Variants in ADH1B observed in about 807,000 individuals in gnomAD.
ADH1B encodes alcohol dehydrogenase 1B (class I), beta polypeptide, also known as all-trans-retinol dehydrogenase [NAD(+)] ADH1B.
Under a neutral mutation model 34.6 loss-of-function variants are expected in ADH1B, and 29 were observed. That is an observed-to-expected ratio of 0.84 (90% CI 0.62 to 1.14). The LOEUF is 1.14. ADH1B is among the 50% of genes most tolerant of loss of function. The probability of loss-of-function intolerance (pLI) is 0.00; values close to 1 mark genes in which losing one functional copy is unlikely to be tolerated. For synonymous variants in ADH1B, 170 were observed against 175.5 expected (o/e 0.97, Z 0.25); for missense variants, 424 against 468.4 (o/e 0.91, Z 0.87).
chr4:99,311,711 C>T (rs527836149), intron 6 of ADH1B, 55 bp from the exon 7 acceptor site: 68 of 1,597,152 alleles, frequency 4.3e-5, no homozygotes, highest in Admixed American at 2.7e-4. Context: ...AGTTCCTACT[C>T]ATAATGCACA....
In ADH1B at chr4:99,306,321, A is replaced by G. The variant is rs1480357055; in HGVS notation, c.*1519T>C. ...GCGCCACCCCCCACCCCGCTTTAGC[A>G]TTTTTGACAAAACAATCAGGTTACC... On this transcript the variant is annotated 3_prime_UTR_variant, in exon 9 of 9. Transcript: ENST00000305046. The G allele has an allele frequency of 7.3e-5, 11 of 151,538 alleles. No homozygotes were observed. Among genetic ancestry groups the G allele is most frequent in the Admixed American group, 5.9e-4 (9 of 15,174 alleles). 9.4% of individuals were successfully genotyped at this position (151,538 alleles called of 1,614,324 possible).
At chr4:99,312,935 G>A (rs993302099) in intron 6 of ADH1B, among the ~76,000 whole-genome samples, 4 of 152,152 alleles carry the variant, frequency 2.6e-5, no homozygotes, top group Non-Finnish European at 5.9e-5. Flanking sequence ...TATCACATGC[G>A]TTGTCTCATG....
chr4:99,318,758 T>C, intron 2 of ADH1B, 27 bp downstream of exon 2: 1 of 1,585,756 alleles, frequency 6.3e-7, no homozygotes. Context: ...AAATGTAAAA[T>C]GAAATATAAA....
At chr4:99,319,607 G>A (rs1258284878) in intron 1 of ADH1B, 5 of 152,076 alleles carry the variant, frequency 3.3e-5, no homozygotes, top group East Asian at 1.9e-4. Context: ...TCAGACCCAC[G>A]CATGTATATT....
chr4:99,311,211 G>C (rs1733746426), intron 7 of ADH1B, among the ~76,000 whole-genome samples: 1 of 152,096 alleles, frequency 6.6e-6, no homozygotes, highest in South Asian at 2.1e-4. Context: ...AAATATTGTT[G>C]TAGATTTGCA....
In ADH1B at chr4:99,307,793, G is replaced by C. The variant is rs374909016; in HGVS notation, c.*47C>G. ...CTAGCTGTTGCTCCAGATCTTGTAG[G>C]GTAGAGGAGGCTGAAGACTGCTACA... On this transcript the variant is annotated 3_prime_UTR_variant, in exon 9 of 9. Coordinates refer to ENST00000305046, the MANE Select transcript of ADH1B (RefSeq NM_000668.6). 7.5e-6 allele frequency: 12 copies of C among 1,603,748 alleles called. No individual in the cohort carries two copies. Among genetic ancestry groups the C allele is most frequent in the Non-Finnish European group, 1.0e-5 (12 of 1,170,844 alleles).
At position 99,307,734 on chromosome 4, in the gene ADH1B, T is replaced by C. The variant is rs28914788; in HGVS notation, c.*106A>G. 1.4e-3 allele frequency: 1,822 copies of C among 1,338,172 alleles called. 11 individuals are homozygous for C. In the African/African-American group the frequency reaches 0.018, roughly 13 times the overall value. 82.9% of individuals were successfully genotyped at this position (1,338,172 alleles called of 1,614,324 possible). On this transcript the variant is annotated 3_prime_UTR_variant, in exon 9 of 9. Coordinates refer to ENST00000305046, the MANE Select transcript of ADH1B (RefSeq NM_000668.6). ...AAAGCCCCCATGTGTAATTTATTGATAACATCTCTGAAGAGCTGAATTAAT... is the reference window on the plus strand; with the variant it reads ...AAAGCCCCCATGTGTAATTTATTGACAACATCTCTGAAGAGCTGAATTAAT...
At chr4:99,310,717 C>A in intron 8 of ADH1B, 48 bp downstream of exon 8, 1 of 1,586,600 alleles carries the variant, frequency 6.3e-7, no homozygotes, top group Non-Finnish European at 8.5e-7. Flanking sequence ...CTAGACAATC[C>A]CCTATGGTAG....
In ADH1B at chr4:99,313,703, T is replaced by C. The variant is rs577040077; in HGVS notation, c.828+118A>G. ...AACAAGCCACATAACAAACAGATGATGGGAAATTTCCATTCATCATTAAAA... is the reference window on the plus strand; with the variant it reads ...AACAAGCCACATAACAAACAGATGACGGGAAATTTCCATTCATCATTAAAA... On this transcript the variant is annotated intron_variant, in intron 6 of 8. Transcript: ENST00000305046. The C allele has an allele frequency of 3.6e-4, 556 of 1,547,846 alleles. 1 individual carries two copies. Among genetic ancestry groups the C allele is most frequent in the Non-Finnish European group, 4.5e-4 (513 of 1,141,634 alleles).
At chr4:99,309,725 C>T (rs989772272) in intron 8 of ADH1B, among the ~76,000 whole-genome samples, 11 of 152,144 alleles carry the variant, frequency 7.2e-5, no homozygotes, top group African/African-American at 2.4e-4. Context: ...AATTCTGCCT[C>T]CCCTTCCTAC....
Position 99,314,086 on chromosome 4 carries a change from G to T in ADH1B, c.568-5C>A, listed in dbSNP as rs757937623. ...ACAGGTAGAGCCTGGGGTGACCTGT[G>T]TTTTCAGAAAATGCAAAAATAGATT... On this transcript the variant is annotated splice_polypyrimidine_tract_variant and splice_region_variant and intron_variant, in intron 5 of 8. Coordinates refer to ENST00000305046, the MANE Select transcript of ADH1B (RefSeq NM_000668.6). 1.2e-6 allele frequency: 2 copies of T among 1,611,346 alleles called. No individual in the cohort carries two copies.
In ADH1B at chr4:99,305,501, C is replaced by CATATATATATAT. The variant is rs71996730; in HGVS notation, c.*2327_*2338dup. 4.8e-4 allele frequency: 45 copies of CATATATATATAT among 94,362 alleles called. 1 individual carries two copies. Among genetic ancestry groups the CATATATATATAT allele is most frequent in the African/African-American group, 2.0e-3 (41 of 20,930 alleles). The allele number at this position is 94,362 out of a possible 1,614,324, so 5.8% of individuals were successfully genotyped here. On this transcript the variant is annotated 3_prime_UTR_variant, in exon 9 of 9. Coordinates refer to ENST00000305046, the MANE Select transcript of ADH1B (RefSeq NM_000668.6). ...AGCCAATACTTTCTACACTGGAATA[C>CATATATATATAT]ATATATATATATATATATATATACA...
rs745883274 is a variant in ADH1B, at chr4:99,319,509, GA to G, written c.19-624del. 1.7e-3 allele frequency: 264 copies of G among 159,036 alleles called. 1 individual carries two copies. Among genetic ancestry groups the G allele is most frequent in the South Asian group, 4.1e-3 (22 of 5,356 alleles). The allele number at this position is 159,036 out of a possible 1,614,324, so 9.9% of individuals were successfully genotyped here. A position where few individuals can be genotyped will look rare whatever the true frequency, so the allele number is the denominator to read the frequency against. ...TTTTGTAATCTAATTTATGTGTAGA[GA>G]CTTCTTTCAGCTTAGATTTGAGCCA... On this transcript the variant is annotated intron_variant, in intron 1 of 8. Transcript: ENST00000305046.
Position 99,305,193 on chromosome 4 carries a change from A to G in ADH1B, c.*2647T>C, listed in dbSNP as rs1579504534. The G allele has an allele frequency of 1.3e-5, 2 of 152,104 alleles. No individual in the cohort carries two copies. The highest frequency in any genetic ancestry group is 3.9e-4 in the East Asian group (2 of 5,180). The allele number at this position is 152,104 out of a possible 1,614,324, so 9.4% of individuals were successfully genotyped here. On this transcript the variant is annotated 3_prime_UTR_variant, in exon 9 of 9. Transcript: ENST00000305046. Reference sequence around the variant, plus strand: ...AAATCAATATGACCAAAAAAATGAAAACATTTTTTCCTTATCTATATTTTT... The same window carrying G: ...AAATCAATATGACCAAAAAAATGAAGACATTTTTTCCTTATCTATATTTTT...
chr4:99,313,555 T>G, intron 6 of ADH1B: 1 of 452,448 alleles, frequency 2.2e-6, no homozygotes, highest in Non-Finnish European at 3.8e-6. Flanking sequence ...TAAAAATTAA[T>G]AAAGTAAATC....
chr4:99,313,777 C>A, intron 6 of ADH1B, 44 bp downstream of exon 6: 1 of 1,613,868 alleles, frequency 6.2e-7, no homozygotes, highest in Non-Finnish European at 8.5e-7. Context: ...ATGCATCTTC[C>A]AGGTTGCAGA....
At chr4:99,318,368 A>G in intron 2 of ADH1B, 184 bp from the exon 3 acceptor site, 1 of 704,890 alleles carries the variant, frequency 1.4e-6, no homozygotes, top group Non-Finnish European at 2.3e-6. Context: ...GCCCTTCTCT[A>G]CCTTCCCTTC....
At chr4:99,318,491 G>A (rs1001505455) in intron 2 of ADH1B, 16 of 506,190 alleles carry the variant, frequency 3.2e-5, no homozygotes, top group Non-Finnish European at 5.1e-5. Flanking sequence ...AGTAACACAT[G>A]GAAAATATCT....
In ADH1B at chr4:99,318,169, T is replaced by C; in HGVS notation, c.136A>G (p.Ile46Val). Residue 46 changes from isoleucine to valine, a missense_variant, in exon 3 of 9, where the codon ATC (isoleucine) becomes GTC (valine). Ile to Val is a conservative substitution (Grantham distance 29, BLOSUM62 3). Coordinates refer to ENST00000305046, the MANE Select transcript of ADH1B (RefSeq NM_000668.6). Reference sequence around the variant, plus strand: ...ACCACGTGGTCATCTGTGTGACAGATTCCTACAGCCACCATCTACAGAATA... The same window carrying C: ...ACCACGTGGTCATCTGTGTGACAGACTCCTACAGCCACCATCTACAGAATA... ...EVRIKMVAVG[I>V]CHTDDHVVSG... The C allele has an allele frequency of 6.2e-7, 1 of 1,614,112 alleles. No homozygotes were observed. The highest frequency in any genetic ancestry group is 8.5e-7 in the Non-Finnish European group (1 of 1,179,994).
Sources: gnomAD v4.1 joint callset for allele counts (sites outside exome capture counted in the v4.1 genomes callset) on GRCh38, gnomAD v4.1.1 for gene constraint, MANE v1.5 for transcripts, NCBI Gene and HGNC (gene_info 2026-07-23, HGNC 2026-07-21) for gene names.